The following HPSE2 variants were observed in gnomAD, a reference collection of about 807,000 sequenced individuals.
HPSE2 encodes the protein heparanase 2 (inactive), also known as inactive heparanase-2.
Under a neutral mutation model 60.5 loss-of-function variants are expected in HPSE2, and 38 were observed. The observed-to-expected ratio is 0.63, with a 90% CI of 0.48 to 0.82. HPSE2 has a LOEUF of 0.82. Ranked by LOEUF, HPSE2 falls within the 40% of genes least tolerant of loss-of-function variation. The pLI is 0.00. For synonymous variants in HPSE2, 295 were observed against 293.2 expected (o/e 1.01, Z -0.06); for missense variants, 713 against 740.4 (o/e 0.96, Z 0.43).
intron 3 of HPSE2, among the ~76,000 whole-genome samples, chr10:99,094,188 GTTT>G (rs1843617338): frequency 6.6e-6 from 1 of 151,664 alleles, no homozygotes; most frequent in African/African-American, 2.4e-5. Flanking sequence ...TTTTATTTTT[GTTT>G]TTTAATTTCC....
At chr10:99,163,584 C>A (rs1307508125) in intron 2 of HPSE2, among the ~76,000 whole-genome samples, 1 of 152,130 alleles carries the variant, frequency 6.6e-6, no homozygotes, top group African/African-American at 2.4e-5. Context: ...GGGAAATTAT[C>A]AAAACTAAGA....
intron 3 of HPSE2, among the ~76,000 whole-genome samples, chr10:98,753,263 C>T (rs1047962037): frequency 7.2e-5 from 11 of 152,038 alleles, no homozygotes; most frequent in South Asian, 2.1e-4. Flanking sequence ...CAAGTGCTGG[C>T]GTGGGTAAGA....
chr10:98,775,281 T>C (rs1470671315), intron 3 of HPSE2, among the ~76,000 whole-genome samples: 3 of 152,222 alleles, frequency 2.0e-5, no homozygotes, highest in Non-Finnish European at 4.4e-5. Flanking sequence ...CTGGTTGATT[T>C]GCATATTGTG....
chr10:98,523,359 C>G (rs1370789808), intron 9 of HPSE2, among the ~76,000 whole-genome samples: 1 of 152,124 alleles, frequency 6.6e-6, no homozygotes, highest in Non-Finnish European at 1.5e-5. Context: ...GTTCTACAGA[C>G]TTTGTATAAG....
At chr10:99,105,738 G>A (rs1285584681) in intron 3 of HPSE2, among the ~76,000 whole-genome samples, 1 of 151,800 alleles carries the variant, frequency 6.6e-6, no homozygotes, top group East Asian at 1.9e-4. Context: ...TTTTATTGTA[G>A]AAGATTTATA....
the HPSE2 span, among the ~76,000 whole-genome samples, chr10:99,298,547 C>T: frequency 6.6e-6 from 1 of 151,994 alleles, no homozygotes; most frequent in African/African-American, 2.4e-5. Context: ...AGTTTGGGTT[C>T]AATAAAAATT....
chr10:98,739,915 T>C (rs1949454481), intron 4 of HPSE2, among the ~76,000 whole-genome samples: 1 of 152,148 alleles, frequency 6.6e-6, no homozygotes, highest in Admixed American at 6.6e-5. Flanking sequence ...ACCATTTCCC[T>C]GAAATGGAGT....
chr10:99,075,974 C>T (rs11818672), intron 3 of HPSE2, among the ~76,000 whole-genome samples: 24,606 of 152,056 alleles, frequency 0.16, 2,403 homozygotes, highest in Admixed American at 0.24. Flanking sequence ...ATTCATTCAG[C>T]CACACTATAC....
chr10:99,164,059 T>C (rs1846955989), intron 2 of HPSE2, among the ~76,000 whole-genome samples: 1 of 151,592 alleles, frequency 6.6e-6, no homozygotes, highest in African/African-American at 2.4e-5. Flanking sequence ...CACATTATTC[T>C]GTAAACTTTT....
At chr10:99,301,505 A>T in the HPSE2 span, among the ~76,000 whole-genome samples, 130,561 of 152,224 alleles carry the variant, frequency 0.86, 56,380 homozygotes, top group African/African-American at 0.93. Context: ...TTCCACCATG[A>T]TTGTGAGGCT....
chr10:98,793,590 T>C (rs986246561), intron 3 of HPSE2, among the ~76,000 whole-genome samples: 5 of 152,174 alleles, frequency 3.3e-5, no homozygotes, highest in African/African-American at 1.2e-4. Context: ...ATGAGGGAAG[T>C]AACAGGCAAT....
intron 5 of HPSE2, among the ~76,000 whole-genome samples, chr10:98,700,391 G>A (rs1042683355): frequency 4.3e-5 from 6 of 139,828 alleles, no homozygotes; most frequent in African/African-American, 1.5e-4. Context: ...CAAGCAATGG[G>A]GAAAGGATTC....
intron 3 of HPSE2, among the ~76,000 whole-genome samples, chr10:98,947,401 G>T (rs1955218922): frequency 6.6e-6 from 1 of 152,160 alleles, no homozygotes; most frequent in Admixed American, 6.6e-5. Flanking sequence ...TAAAGCTGGA[G>T]AATTTAATGC....
At chr10:98,862,299 G>A (rs1403541013) in intron 3 of HPSE2, among the ~76,000 whole-genome samples, 1 of 152,162 alleles carries the variant, frequency 6.6e-6, no homozygotes, top group Non-Finnish European at 1.5e-5. Flanking sequence ...AAATTGGTAA[G>A]AACTTGGGGG....
intron 9 of HPSE2, among the ~76,000 whole-genome samples, chr10:98,497,085 T>C (rs1331882538): frequency 1.3e-5 from 2 of 152,138 alleles, no homozygotes; most frequent in Admixed American, 6.5e-5. Context: ...AAGTTTGCTA[T>C]TTTTTAAGTA....
intron 3 of HPSE2, chr10:99,047,651 G>A (rs1018212176): frequency 2.7e-6 from 2 of 741,510 alleles, no homozygotes; most frequent in African/African-American, 1.7e-5. Context: ...GGATGGTGTA[G>A]AAGAGAAGAA....
chr10:98,941,121 G>A (rs1954985598), intron 3 of HPSE2, among the ~76,000 whole-genome samples: 2 of 142,406 alleles, frequency 1.4e-5, no homozygotes, highest in African/African-American at 2.9e-5. Context: ...CCCACAGCCA[G>A]TATCATCCTG....
intron 3 of HPSE2, among the ~76,000 whole-genome samples, chr10:99,035,572 T>C (rs1024471367): frequency 1.3e-5 from 2 of 152,188 alleles, no homozygotes; most frequent in Admixed American, 6.5e-5. Flanking sequence ...TAATCATTTA[T>C]TATCATTATC....
chr10:98,664,305 G>A (rs1169652235), intron 6 of HPSE2, among the ~76,000 whole-genome samples: 2 of 152,096 alleles, frequency 1.3e-5, no homozygotes, highest in Admixed American at 6.5e-5. Context: ...AGCAGGAGAA[G>A]AGCCCCCACT....
Sources: gnomAD v4.1 joint callset for allele counts (sites outside exome capture counted in the v4.1 genomes callset) on GRCh38, gnomAD v4.1.1 for gene constraint, MANE v1.5 for transcripts, NCBI Gene and HGNC (gene_info 2026-07-23, HGNC 2026-07-21) for gene names.